The following FRMD3 variants were observed in gnomAD, a reference collection of about 807,000 sequenced individuals.
The protein encoded by FRMD3 is FERM domain-containing protein 3.
A neutral mutation model predicts 70.2 loss-of-function variants in FRMD3; 33 were observed. The ratio of observed to expected loss-of-function variants is 0.47; its 90% CI spans 0.36 to 0.63. The LOEUF (loss-of-function observed/expected upper bound fraction) is 0.63, where lower values mean the gene tolerates loss of function less well. Among genes scored for constraint, FRMD3 ranks in the 20% least tolerant of loss-of-function variants. FRMD3 has a pLI of 0.00. For missense variants in FRMD3, 632 were observed against 711.4 expected (o/e 0.89, Z 1.27); for synonymous variants, 279 against 255.9 (o/e 1.09, Z -0.86).
chr9:83,559,817 C>A, the FRMD3 span, among the ~76,000 whole-genome samples: 1 of 151,922 alleles, frequency 6.6e-6, no homozygotes, highest in Admixed American at 6.6e-5. Context: ...TAATTCAGAT[C>A]ATAGAAGTGA....
chr9:83,332,232 G>A (rs1823403146), intron 6 of FRMD3, among the ~76,000 whole-genome samples: 1 of 152,152 alleles, frequency 6.6e-6, no homozygotes. Context: ...CTATCCTCCA[G>A]TACAGTGAAG....
chr9:83,450,091 A>AAG (rs1386970335), intron 1 of FRMD3, among the ~76,000 whole-genome samples: 1 of 96,746 alleles, frequency 1.0e-5, no homozygotes, highest in African/African-American at 6.3e-5. Flanking sequence ...AAAAATAACC[A>AAG]AGCCTGCGCC....
the FRMD3 span, among the ~76,000 whole-genome samples, chr9:83,559,518 T>A: frequency 1.3e-5 from 2 of 152,226 alleles, no homozygotes; most frequent in South Asian, 4.1e-4. Context: ...ACCCACAATA[T>A]CTCCAATGTA....
chr9:83,327,619 G>A (rs900637378), intron 6 of FRMD3, among the ~76,000 whole-genome samples: 2 of 152,186 alleles, frequency 1.3e-5, no homozygotes, highest in African/African-American at 4.8e-5. Context: ...AGTTTGCCTA[G>A]TTGCCCTTAG....
intron 1 of FRMD3, among the ~76,000 whole-genome samples, chr9:83,414,912 T>C (rs1274871889): frequency 6.6e-6 from 1 of 152,244 alleles, no homozygotes; most frequent in East Asian, 1.9e-4. Flanking sequence ...AAGAAAGTTT[T>C]CTTTCCAAAG....
chr9:83,389,354 G>A (rs73465705), intron 2 of FRMD3, among the ~76,000 whole-genome samples: 8,654 of 152,078 alleles, frequency 0.057, 348 homozygotes, highest in Admixed American at 0.1. Context: ...GGGTTCAAAG[G>A]GCACAGGGAC....
In FRMD3 at chr9:83,299,248, T is replaced by C; in HGVS notation, c.927-62A>G. 3 of 1,056,020 alleles carry C rather than the reference T, an allele frequency of 2.8e-6. No individual in the cohort carries two copies. In the South Asian group the frequency reaches 4.1e-5, roughly 14 times the overall value. The allele number at this position is 1,056,020 out of a possible 1,614,324, so 65.4% of individuals were successfully genotyped here. ...TGGAAAGTCCACTTACAACATGCTA[T>C]AGAGGTGTGGTGATGGGGTATTTTT... On this transcript the variant is annotated intron_variant, in intron 10 of 13. Transcript: ENST00000304195.
the FRMD3 span, among the ~76,000 whole-genome samples, chr9:83,564,215 A>G: frequency 7.8e-4 from 118 of 152,238 alleles, no homozygotes; most frequent in Non-Finnish European, 5.7e-4. Context: ...TTGGCAATTC[A>G]GCCAATTTAA....
At chr9:83,375,003 T>C (rs1825096856) in intron 2 of FRMD3, among the ~76,000 whole-genome samples, 1 of 152,218 alleles carries the variant, frequency 6.6e-6, no homozygotes, top group Admixed American at 6.5e-5. Context: ...AAATTCTCCT[T>C]GTTTGGCATT....
At chr9:83,436,781 GAAAAA>G (rs200464485) in intron 1 of FRMD3, among the ~76,000 whole-genome samples, 28,633 of 132,240 alleles carry the variant, frequency 0.22, 3,203 homozygotes, top group African/African-American at 0.32. Context: ...GGACCAAGGG[GAAAAA>G]AAAAAAAAAA....
chr9:83,363,928 C>T (rs1009166264), intron 3 of FRMD3, among the ~76,000 whole-genome samples: 8 of 152,182 alleles, frequency 5.3e-5, no homozygotes, highest in African/African-American at 1.9e-4. Context: ...TTTACACACT[C>T]TCACCAGAAG....
chr9:83,268,948 C>G (rs1317945040), intron 13 of FRMD3, among the ~76,000 whole-genome samples: 3 of 152,180 alleles, frequency 2.0e-5, no homozygotes, highest in Non-Finnish European at 4.4e-5. Context: ...AGCAGAATCC[C>G]CAGGTTTAAA....
At chr9:83,243,228 A>T, downstream of FRMD3, 2 of 1,550,312 alleles carry the variant, frequency 1.3e-6, no homozygotes, top group Non-Finnish European at 1.7e-6. Flanking sequence ...GGAAGCCCAG[A>T]TGCAGGTCCA....
At chr9:83,544,336 C>G in the FRMD3 span, among the ~76,000 whole-genome samples, 1 of 152,136 alleles carries the variant, frequency 6.6e-6, no homozygotes, top group African/African-American at 2.4e-5. Flanking sequence ...CAGAAGCTCC[C>G]CTAAGCACCC....
chr9:83,530,822 T>A (rs918058112), intron 1 of FRMD3, among the ~76,000 whole-genome samples: 2 of 152,178 alleles, frequency 1.3e-5, no homozygotes, highest in African/African-American at 4.8e-5. Context: ...TTGTGGGTTA[T>A]CTTTTTAGGA....
At chr9:83,328,037 G>A (rs1339808266) in intron 6 of FRMD3, among the ~76,000 whole-genome samples, 1 of 152,180 alleles carries the variant, frequency 6.6e-6, no homozygotes, top group Non-Finnish European at 1.5e-5. Context: ...GGGCCATGCA[G>A]GGACAAGGCT....
At chr9:83,551,921 ACTC>A in the FRMD3 span, among the ~76,000 whole-genome samples, 2 of 150,898 alleles carry the variant, frequency 1.3e-5, no homozygotes, top group Non-Finnish European at 3.0e-5. Flanking sequence ...AAAAAAAAAA[ACTC>A]CTGGATTCAT....
At chr9:83,515,078 C>T (rs1829425380) in intron 1 of FRMD3, among the ~76,000 whole-genome samples, 1 of 152,172 alleles carries the variant, frequency 6.6e-6, no homozygotes, top group Admixed American at 6.5e-5. Context: ...GATCACAACT[C>T]CTCACCAGCA....
Position 83,244,754 on chromosome 9 carries a change from A to ATCTC in FRMD3, c.*3160_*3163dup. On this transcript the variant is annotated 3_prime_UTR_variant, in exon 14 of 14. Coordinates refer to ENST00000304195, the MANE Select transcript of FRMD3 (RefSeq NM_174938.6). ...CCAATCACAGTAACATGGCCCCCAT[A>ATCTC]TCTCTAGTATTTCAATGAAATAAAC... 2 of 985,352 alleles carry ATCTC rather than the reference A, an allele frequency of 2.0e-6. No homozygotes were observed. Among genetic ancestry groups the ATCTC allele is most frequent in the Non-Finnish European group, 2.4e-6 (2 of 829,836 alleles). The allele number at this position is 985,352 out of a possible 1,614,324, so 61.0% of individuals were successfully genotyped here.
Sources: allele counts gnomAD v4.1 joint callset (sites outside exome capture counted in the v4.1 genomes callset), GRCh38; gene constraint gnomAD v4.1.1; transcripts MANE v1.5; gene names NCBI Gene and HGNC (gene_info 2026-07-23, HGNC 2026-07-21).